The following TUSC3 variants were observed in gnomAD, a reference collection of about 807,000 sequenced individuals.
The protein encoded by TUSC3 is dolichyl-diphosphooligosaccharide--protein glycosyltransferase subunit TUSC3.
Under a neutral mutation model 44.8 loss-of-function variants are expected in TUSC3, and 45 were observed. The observed-to-expected ratio is 1.00, with a 90% confidence interval of 0.79 to 1.29. TUSC3 has a LOEUF of 1.29. Among genes scored for constraint, TUSC3 ranks in the 50% most tolerant of loss-of-function variants. TUSC3 has a pLI of 0.00. For missense variants in TUSC3, 519 were observed against 437.9 expected (o/e 1.19, Z -1.65); for synonymous variants, 212 against 152.9 (o/e 1.39, Z -2.85).
At chr8:15,453,351 A>T (rs555552470) in intron 1 of TUSC3, among the ~76,000 whole-genome samples, 1 of 152,324 alleles carries the variant, frequency 6.6e-6, no homozygotes, top group East Asian at 1.9e-4. Flanking sequence ...TACTTATTCA[A>T]TGTTCATTTA....
At chr8:15,520,648 G>A (rs1434376078) in intron 2 of TUSC3, among the ~76,000 whole-genome samples, 1 of 152,158 alleles carries the variant, frequency 6.6e-6, no homozygotes, top group Non-Finnish European at 1.5e-5. Flanking sequence ...AATGATAGAG[G>A]AGATTCACAG....
chr8:15,553,087 A>G (rs1225733372), intron 1 of TUSC3, among the ~76,000 whole-genome samples: 2 of 151,788 alleles, frequency 1.3e-5, no homozygotes, highest in Non-Finnish European at 2.9e-5. Context: ...AGGAAACAGG[A>G]GAAGAAAGAT....
At chr8:15,683,625 A>G (rs1808510577) in intron 6 of TUSC3, among the ~76,000 whole-genome samples, 1 of 152,004 alleles carries the variant, frequency 6.6e-6, no homozygotes, top group Non-Finnish European at 1.5e-5. Flanking sequence ...TTCTGAATTT[A>G]TATCTTTAAT....
At chr8:15,706,352 C>T (rs1031473707) in intron 6 of TUSC3, among the ~76,000 whole-genome samples, 9 of 151,964 alleles carry the variant, frequency 5.9e-5, no homozygotes, top group African/African-American at 2.2e-4. Flanking sequence ...GAGCAGCATT[C>T]TATTTTGCAG....
At chr8:15,660,454 G>C (rs946457734) in intron 4 of TUSC3, among the ~76,000 whole-genome samples, 1 of 151,908 alleles carries the variant, frequency 6.6e-6, no homozygotes, top group Non-Finnish European at 1.5e-5. Context: ...AACCTAAATG[G>C]TGATGGTAGT....
rs112397215 is a variant in TUSC3, at chr8:15,423,969, GTTTTTTTTTTTTTT to G, written n.91+6689_91+6702del. ...TACAGCATTCATACTGTTTTGCTTT[GTTTTTTTTTTTTTT>G]TTTTTTTTTTTTTTTTTTTTTTTTG... On this transcript the variant is annotated intron_variant and non_coding_transcript_variant, in intron 1 of 5. Coordinates refer to the TUSC3 transcript ENST00000503191. Among the ~76,000 whole-genome samples the G allele has an allele frequency of 1.1e-4, 8 of 70,392 alleles. No homozygotes were observed. The South Asian group carries it at 1.4e-3, about 12-fold the overall frequency. The allele number at this position is 70,392 out of a possible 152,430, so 46.2% of individuals were successfully genotyped here. A position where few individuals can be genotyped will look rare whatever the true frequency, so the allele number is the denominator to read the frequency against.
At chr8:15,819,871 C>T in the TUSC3 span, among the ~76,000 whole-genome samples, 22 of 152,248 alleles carry the variant, frequency 1.4e-4, no homozygotes, top group African/African-American at 5.3e-4. Context: ...GGGATCTTCC[C>T]TTCTTGTCCT....
chr8:15,431,961 G>A (rs1406157279), intron 1 of TUSC3, among the ~76,000 whole-genome samples: 1 of 141,612 alleles, frequency 7.1e-6, no homozygotes, highest in Non-Finnish European at 1.5e-5. Flanking sequence ...TGCATTCCAG[G>A]CATGAATCTC....
chr8:15,537,181 A>G (rs146894490), upstream of TUSC3, among the ~76,000 whole-genome samples: 7 of 152,204 alleles, frequency 4.6e-5, no homozygotes, highest in Middle Eastern at 3.4e-3. Context: ...GCTCTGCACA[A>G]TAAAACTTGG....
chr8:15,546,176 A>G (rs912213239), intron 1 of TUSC3, among the ~76,000 whole-genome samples: 4 of 151,744 alleles, frequency 2.6e-5, no homozygotes, highest in African/African-American at 9.7e-5. Flanking sequence ...CTTTATTTCT[A>G]TCTTTTGGGC....
intron 1 of TUSC3, among the ~76,000 whole-genome samples, chr8:15,541,621 T>C (rs564779265): frequency 6.6e-6 from 1 of 152,324 alleles, no homozygotes; most frequent in East Asian, 1.9e-4. Flanking sequence ...TTTTAACTAA[T>C]GTACCTCTCT....
At chr8:15,441,235 C>A (rs187054754) in intron 1 of TUSC3, among the ~76,000 whole-genome samples, 1 of 152,208 alleles carries the variant, frequency 6.6e-6, no homozygotes, top group East Asian at 1.9e-4. Flanking sequence ...GACGAAACCC[C>A]GTCTCTACTG....
intron 7 of TUSC3, among the ~76,000 whole-genome samples, chr8:15,738,837 T>TC (rs796196956): frequency 3.3e-4 from 38 of 116,676 alleles, no homozygotes; most frequent in African/African-American, 4.1e-4. Context: ...CTTTTTTTTT[T>TC]TTTTTTTTTT....
intron 7 of TUSC3, among the ~76,000 whole-genome samples, chr8:15,734,024 T>TC (rs1810831646): frequency 6.6e-6 from 1 of 152,318 alleles, no homozygotes; most frequent in Admixed American, 6.5e-5. Context: ...ATCTGGGCGA[T>TC]AGAGTGAGAC....
chr8:15,594,817 C>G (rs879324358), intron 1 of TUSC3, among the ~76,000 whole-genome samples: 3 of 152,082 alleles, frequency 2.0e-5, no homozygotes, highest in Non-Finnish European at 2.9e-5. Context: ...TTACATAAGA[C>G]AGATTCATGA....
chr8:15,630,984 C>T (rs185059992), intron 2 of TUSC3, among the ~76,000 whole-genome samples: 3 of 152,270 alleles, frequency 2.0e-5, no homozygotes, highest in Non-Finnish European at 4.4e-5. Flanking sequence ...GGGTTTGGTA[C>T]TACAACCCTT....
At chr8:15,446,933 A>T (rs577398132) in intron 1 of TUSC3, among the ~76,000 whole-genome samples, 1 of 152,110 alleles carries the variant, frequency 6.6e-6, no homozygotes, top group East Asian at 1.9e-4. Flanking sequence ...ATTAATACAG[A>T]CTTAAAAATG....
intron 5 of TUSC3, among the ~76,000 whole-genome samples, chr8:15,667,366 TA>T (rs1471310507): frequency 6.6e-6 from 1 of 151,632 alleles, no homozygotes; most frequent in African/African-American, 2.4e-5. Flanking sequence ...AACCAAGTTT[TA>T]AAAAATGAAC....
chr8:15,562,571 C>G (rs1312624865), intron 1 of TUSC3, among the ~76,000 whole-genome samples: 3 of 152,122 alleles, frequency 2.0e-5, no homozygotes, highest in Non-Finnish European at 4.4e-5. Flanking sequence ...TGTTAAGGGT[C>G]TTAGGAGGCC....
Sources: allele counts gnomAD v4.1 joint callset (sites outside exome capture counted in the v4.1 genomes callset), GRCh38; gene constraint gnomAD v4.1.1; transcripts MANE v1.5; gene names NCBI Gene and HGNC (gene_info 2026-07-23, HGNC 2026-07-21).